AP3B1: variants seen among roughly 807,000 people sequenced by gnomAD.
AP3B1 encodes the protein AP-3 complex subunit beta-1.
Under a neutral mutation model 132.5 loss-of-function variants are expected in AP3B1, and 61 were observed. That is an observed-to-expected ratio of 0.46 (90% confidence interval 0.37 to 0.57). The LOEUF (loss-of-function observed/expected upper bound fraction) is 0.57. AP3B1 is among the 20% of genes least tolerant of loss of function. AP3B1 has a pLI of 0.00. For missense variants in AP3B1, 1,120 were observed against 1,289.4 expected, an observed-to-expected ratio of 0.87 and a Z score of 2.01; for synonymous variants, 388 against 438.3, an observed-to-expected ratio of 0.89 and a Z score of 1.43.
chr5:78,019,235 T>C (rs940243861), intron 25 of AP3B1, among the ~76,000 whole-genome samples: 4 of 152,052 alleles, frequency 2.6e-5, no homozygotes, highest in Non-Finnish European at 4.4e-5. Flanking sequence ...CAAGTGCACC[T>C]CTCTCATGCA....
intron 15 of AP3B1, among the ~76,000 whole-genome samples, chr5:78,132,624 T>G (rs1309622828): frequency 6.6e-6 from 1 of 152,228 alleles, no homozygotes; most frequent in African/African-American, 2.4e-5. Flanking sequence ...CACACAGAAT[T>G]ATATAAACAT....
chr5:78,261,333 T>C (rs951795392), intron 2 of AP3B1, among the ~76,000 whole-genome samples: 11 of 152,248 alleles, frequency 7.2e-5, no homozygotes, highest in African/African-American at 2.7e-4. Context: ...ATGGTTTTGA[T>C]TTCCATTTTC....
intron 22 of AP3B1, among the ~76,000 whole-genome samples, chr5:78,041,628 TAAAC>T (rs1223602977): frequency 1.3e-5 from 2 of 151,876 alleles, no homozygotes; most frequent in East Asian, 1.9e-4. Context: ...TAAAATATAA[TAAAC>T]AATTAGCTAA....
chr5:78,009,936 A>G (rs1335160833), intron 26 of AP3B1, among the ~76,000 whole-genome samples: 1 of 152,186 alleles, frequency 6.6e-6, no homozygotes, highest in African/African-American at 2.4e-5. Flanking sequence ...TTCTCCTCAG[A>G]GGGTTAATTT....
At chr5:78,251,032 G>A (rs1180899586) in intron 2 of AP3B1, among the ~76,000 whole-genome samples, 1 of 152,050 alleles carries the variant, frequency 6.6e-6, no homozygotes, top group African/African-American at 2.4e-5. Flanking sequence ...GAGAGAACTG[G>A]CAGACTGACA....
At chr5:78,053,694 A>AAAAG (rs1561376744) in intron 22 of AP3B1, among the ~76,000 whole-genome samples, 2 of 93,454 alleles carry the variant, frequency 2.1e-5, no homozygotes, top group Non-Finnish European at 4.5e-5. Flanking sequence ...AAAAAAAAAA[A>AAAAG]AAAGAAAGAA....
chr5:78,067,693 CAAG>C (rs1351280584), intron 22 of AP3B1, among the ~76,000 whole-genome samples: 11 of 152,054 alleles, frequency 7.2e-5, no homozygotes, highest in African/African-American at 2.2e-4. Flanking sequence ...AGGCAGAAAT[CAAG>C]AAGTTCTTTG....
chr5:78,214,561 G>C (rs1472352915), intron 7 of AP3B1, among the ~76,000 whole-genome samples: 1 of 152,046 alleles, frequency 6.6e-6, no homozygotes, highest in Non-Finnish European at 1.5e-5. Flanking sequence ...TTTAAATGGT[G>C]ACAGTGATTA....
intron 7 of AP3B1, among the ~76,000 whole-genome samples, chr5:78,184,744 T>C (rs1405694127): frequency 6.6e-6 from 1 of 150,486 alleles, no homozygotes; most frequent in Non-Finnish European, 1.5e-5. Flanking sequence ...GACCTAACAT[T>C]CCTTTCATCT....
At chr5:78,084,503 G>A (rs150730745) in intron 22 of AP3B1, among the ~76,000 whole-genome samples, 2,182 of 114,176 alleles carry the variant, frequency 0.019, 120 homozygotes, top group Admixed American at 0.18. Flanking sequence ...CAACCTGGGC[G>A]ACAGAGCCAG....
chr5:78,273,528 T>C (rs1748643163), intron 1 of AP3B1, among the ~76,000 whole-genome samples: 1 of 152,142 alleles, frequency 6.6e-6, no homozygotes, highest in Admixed American at 6.5e-5. Context: ...AGACAAATGT[T>C]GAATTCCAGG....
At chr5:78,159,223 GA>G (rs900520750) in intron 13 of AP3B1, among the ~76,000 whole-genome samples, 1 of 152,088 alleles carries the variant, frequency 6.6e-6, no homozygotes, top group African/African-American at 2.4e-5. Context: ...CTAAGTAAGA[GA>G]AAAAAATGTT....
At position 78,193,759 on chromosome 5, in the gene AP3B1, TATA is replaced by T. The variant is rs1262838046; in HGVS notation, c.787-12100_787-12098del. On this transcript the variant is annotated intron_variant, in intron 7 of 26. Transcript: ENST00000255194. ...ATATATTTTTTTATATATATATATA[TATA>T]TATATATATTTTTTTTTTAGACAGA... is the stretch of plus-strand genomic sequence containing the variant. Among the ~76,000 whole-genome samples the T allele has an allele frequency of 1.4e-3, 169 of 118,962 alleles. 4 individuals are homozygous for T. Among genetic ancestry groups the T allele is most frequent in the Admixed American group, 4.8e-3 (47 of 9,822 alleles). The allele number at this position is 118,962 out of a possible 152,430, so 78.0% of individuals were successfully genotyped here. A position where few individuals can be genotyped will look rare whatever the true frequency, so the allele number is the denominator to read the frequency against.
intron 22 of AP3B1, among the ~76,000 whole-genome samples, chr5:78,052,292 G>C (rs1748616097): frequency 6.6e-6 from 1 of 151,906 alleles, no homozygotes; most frequent in African/African-American, 2.4e-5. Context: ...GGAAATACGT[G>C]AACACATAAT....
rs1228008029 is a variant in AP3B1, at chr5:78,255,506, T to A, written c.204+12014A>T. On this transcript the variant is annotated intron_variant, in intron 2 of 26. Transcript: ENST00000255194. ...AAACTATAAGAAGAGACAAAGAAGG[T>A]CACTATATGATAAAGGAGTCAATTC... Among the ~76,000 whole-genome samples the A allele has an allele frequency of 2.0e-5, 3 of 151,956 alleles. No homozygotes were observed. In the South Asian group the frequency reaches 6.2e-4, roughly 32 times the overall value.
chr5:78,290,366 C>CA (rs11440957), intron 1 of AP3B1, among the ~76,000 whole-genome samples: 33,772 of 152,096 alleles, frequency 0.22, 4,477 homozygotes, highest in Middle Eastern at 0.31. Flanking sequence ...AGATTACAGG[C>CA]AGGGGCCACC....
At chr5:78,234,443 A>G (rs1746786904) in intron 3 of AP3B1, among the ~76,000 whole-genome samples, 2 of 152,176 alleles carry the variant, frequency 1.3e-5, no homozygotes, top group South Asian at 4.1e-4. Flanking sequence ...TTCTCTAACT[A>G]TTTGAGGATA....
chr5:78,140,263 T>C (rs1753089609), intron 15 of AP3B1, among the ~76,000 whole-genome samples: 1 of 152,174 alleles, frequency 6.6e-6, no homozygotes, highest in Non-Finnish European at 1.5e-5. Flanking sequence ...GTGGTTTCCC[T>C]TTCCTCTGCA....
chr5:78,248,399 A>C (rs1412568367), intron 2 of AP3B1, among the ~76,000 whole-genome samples: 1 of 150,494 alleles, frequency 6.6e-6, no homozygotes, highest in African/African-American at 2.4e-5. Flanking sequence ...AGGCTGAGGC[A>C]GAAGAATCAC....
Sources: gnomAD v4.1 joint callset for allele counts (sites outside exome capture counted in the v4.1 genomes callset) on GRCh38, gnomAD v4.1.1 for gene constraint, MANE v1.5 for transcripts, NCBI Gene and HGNC (gene_info 2026-07-23, HGNC 2026-07-21) for gene names.